The following RAB22A variants were observed in gnomAD, a reference collection of about 807,000 sequenced individuals.
The protein encoded by RAB22A is ras-related protein Rab-22A.
Under a neutral mutation model 30.2 loss-of-function variants are expected in RAB22A, and 13 were observed. That is an observed-to-expected ratio of 0.43 (90% CI 0.28 to 0.68). RAB22A has a LOEUF of 0.68. RAB22A is among the 30% of genes least tolerant of loss of function. The pLI, the probability that RAB22A is intolerant of heterozygous loss-of-function variation, is 0.18. For missense variants in RAB22A, 177 were observed against 246.8 expected (o/e 0.72, Z 1.89); for synonymous variants, 89 against 87.2 (o/e 1.02, Z -0.11).
chr20:58,351,145 T>C (rs1987041621), intron 3 of RAB22A, among the ~76,000 whole-genome samples: 1 of 151,984 alleles, frequency 6.6e-6, no homozygotes, highest in Non-Finnish European at 1.5e-5. Flanking sequence ...AAGATCAGCC[T>C]GTCCAACATG....
chr20:58,324,404 A>G (rs773257569), intron 2 of RAB22A, among the ~76,000 whole-genome samples: 1 of 151,756 alleles, frequency 6.6e-6, no homozygotes, highest in Admixed American at 6.6e-5. Context: ...TTCATTTCTG[A>G]TATTAGTTTT....
At chr20:58,320,457 A>G (rs1196134887) in intron 2 of RAB22A, among the ~76,000 whole-genome samples, 2 of 151,884 alleles carry the variant, frequency 1.3e-5, no homozygotes, top group African/African-American at 2.4e-5. Context: ...TCCATTTTTG[A>G]TAGTGCTGAT....
chr20:58,351,644 T>C (rs553704603), intron 3 of RAB22A, among the ~76,000 whole-genome samples: 1 of 152,224 alleles, frequency 6.6e-6, no homozygotes, highest in East Asian at 1.9e-4. Flanking sequence ...AGAAACCCCA[T>C]CTCTACTAAA....
chr20:58,313,639 C>A (rs1004546354), intron 2 of RAB22A, among the ~76,000 whole-genome samples: 1 of 152,180 alleles, frequency 6.6e-6, no homozygotes, highest in Non-Finnish European at 1.5e-5. Context: ...ACCACCTTCC[C>A]CTGGTACCAG....
chr20:58,321,061 A>T (rs891011255), intron 2 of RAB22A, among the ~76,000 whole-genome samples: 8 of 152,070 alleles, frequency 5.3e-5, no homozygotes, highest in Non-Finnish European at 1.2e-4. Context: ...GTGGTGGCAC[A>T]CGCCTGTAAT....
intron 2 of RAB22A, among the ~76,000 whole-genome samples, chr20:58,314,849 A>G (rs377355281): frequency 6.7e-4 from 102 of 152,230 alleles, no homozygotes; most frequent in African/African-American, 2.4e-3. Flanking sequence ...TCAAAAAAAA[A>G]AGAAAAGAAA....
intron 2 of RAB22A, among the ~76,000 whole-genome samples, chr20:58,343,291 A>G (rs1164548563): frequency 6.6e-6 from 1 of 152,182 alleles, no homozygotes. Flanking sequence ...TTACATGGGA[A>G]TGTGGTTTGG....
intron 3 of RAB22A, among the ~76,000 whole-genome samples, chr20:58,346,261 T>A (rs976359123): frequency 6.6e-6 from 1 of 152,224 alleles, no homozygotes; most frequent in African/African-American, 2.4e-5. Flanking sequence ...CAGAGGAATC[T>A]TCTGGAAACA....
At chr20:58,352,522 TTGAC>T (rs1315420238) in intron 3 of RAB22A, among the ~76,000 whole-genome samples, 1 of 152,208 alleles carries the variant, frequency 6.6e-6, no homozygotes, top group Non-Finnish European at 1.5e-5. Context: ...AGAACTGAGA[TTGAC>T]TGGGCAAAGA....
chr20:58,318,110 C>T (rs1192309061), intron 2 of RAB22A, among the ~76,000 whole-genome samples: 1 of 152,208 alleles, frequency 6.6e-6, no homozygotes, highest in Non-Finnish European at 1.5e-5. Flanking sequence ...TCAAGTGATC[C>T]TCCTGCCTTG....
At chr20:58,334,979 A>C (rs1986723201) in intron 2 of RAB22A, among the ~76,000 whole-genome samples, 1 of 152,236 alleles carries the variant, frequency 6.6e-6, no homozygotes, top group Non-Finnish European at 1.5e-5. Context: ...TGTTTATAGC[A>C]GGCTTGTTCA....
chr20:58,355,680 A>G (rs1469014810), intron 6 of RAB22A, among the ~76,000 whole-genome samples: 2 of 152,096 alleles, frequency 1.3e-5, no homozygotes, highest in Non-Finnish European at 2.9e-5. Flanking sequence ...TCAAAATACT[A>G]GGGCATTGTG....
chr20:58,322,337 C>T (rs1986477203), intron 2 of RAB22A, among the ~76,000 whole-genome samples: 1 of 152,196 alleles, frequency 6.6e-6, no homozygotes, highest in African/African-American at 2.4e-5. Flanking sequence ...CTGACAGTCT[C>T]TGCCTTTTAA....
rs201630701 is a variant in RAB22A, at chr20:58,331,518, T to TA, written c.117-12199dup. Among the ~76,000 whole-genome samples, 716 of 152,346 alleles carry TA rather than the reference T, an allele frequency of 4.7e-3. 4 individuals are homozygous for TA. Among genetic ancestry groups the TA allele is most frequent in the African/African-American group, 0.013 (558 of 41,576 alleles). On this transcript the variant is annotated intron_variant, in intron 2 of 6. Transcript: ENST00000244040. ...TTTATTGTCTATTTAACCAATCTCT[T>TA]ATTGACCGTTCTCTTATCAGCTTTT... is the stretch of plus-strand genomic sequence containing the variant.
intron 2 of RAB22A, among the ~76,000 whole-genome samples, chr20:58,314,017 T>G (rs1316985572): frequency 6.6e-6 from 1 of 152,042 alleles, no homozygotes; most frequent in African/African-American, 2.4e-5. Flanking sequence ...AGAAGCTACA[T>G]TATGACTAGT....
At chr20:58,321,112 C>A (rs1243614065) in intron 2 of RAB22A, among the ~76,000 whole-genome samples, 2 of 152,022 alleles carry the variant, frequency 1.3e-5, no homozygotes, top group Non-Finnish European at 2.9e-5. Flanking sequence ...ATCGCTTGAA[C>A]CCTGGAGGCG....
chr20:58,337,699 C>T (rs563202711), intron 2 of RAB22A, among the ~76,000 whole-genome samples: 1 of 152,252 alleles, frequency 6.6e-6, no homozygotes, highest in South Asian at 2.1e-4. Context: ...GAACAGATTG[C>T]CCAGTACAAA....
chr20:58,338,872 AT>A (rs1986808117), intron 2 of RAB22A, among the ~76,000 whole-genome samples: 1 of 152,146 alleles, frequency 6.6e-6, no homozygotes, highest in South Asian at 2.1e-4. Flanking sequence ...TTTGCATGAG[AT>A]TTCTAGTTTT....
rs952398182 is a variant in RAB22A, at chr20:58,364,809, T to C, written c.*5106T>C. 1 of 151,292 alleles carries C rather than the reference T, an allele frequency of 6.6e-6. No individual in the cohort carries two copies. Among genetic ancestry groups the C allele is most frequent in the African/African-American group, 2.4e-5 (1 of 41,122 alleles). 9.4% of individuals were successfully genotyped at this position (151,292 alleles called of 1,614,324 possible). On this transcript the variant is annotated 3_prime_UTR_variant, in exon 7 of 7. Coordinates refer to ENST00000244040, the MANE Select transcript of RAB22A (RefSeq NM_020673.3). Reference sequence around the variant, plus strand: ...TGGTATGCAGTGGCGCGATCTCAGCTCACTGCAACCTGTCTCCTGGGTTCA... The same window carrying C: ...TGGTATGCAGTGGCGCGATCTCAGCCCACTGCAACCTGTCTCCTGGGTTCA...
Sources: gnomAD v4.1 joint callset for allele counts (sites outside exome capture counted in the v4.1 genomes callset) on GRCh38, gnomAD v4.1.1 for gene constraint, MANE v1.5 for transcripts, NCBI Gene and HGNC (gene_info 2026-07-23, HGNC 2026-07-21) for gene names.